Variants in CAPN7 observed in about 807,000 individuals in gnomAD.
CAPN7 encodes the protein calpain 7, also known as calpain-7.
A neutral mutation model predicts 115.2 loss-of-function variants in CAPN7; 72 were observed. The ratio of observed to expected loss-of-function variants is 0.63; its 90% CI spans 0.52 to 0.76. CAPN7 has a LOEUF of 0.76. CAPN7 is among the 30% of genes least tolerant of loss of function. The pLI is 0.00. For missense variants in CAPN7, 905 were observed against 971.5 expected (o/e 0.93, Z 0.91); for synonymous variants, 344 against 322.3 (o/e 1.07, Z -0.72).
chr3:15,243,007 C>T (rs370071018), intron 16 of CAPN7, among the ~76,000 whole-genome samples: 9 of 151,974 alleles, frequency 5.9e-5, no homozygotes, highest in South Asian at 2.1e-4. Flanking sequence ...TACTGATACA[C>T]GTGTAAAAAA....
intron 4 of CAPN7, among the ~76,000 whole-genome samples, chr3:15,219,616 C>CTAT (rs1693843590): frequency 6.6e-6 from 1 of 152,168 alleles, no homozygotes; most frequent in Non-Finnish European, 1.5e-5. Flanking sequence ...GGTGAGATAG[C>CTAT]CATGGGCTCC....
intron 16 of CAPN7, among the ~76,000 whole-genome samples, chr3:15,243,544 C>T (rs747840222): frequency 6.6e-6 from 1 of 152,040 alleles, no homozygotes; most frequent in Non-Finnish European, 1.5e-5. Context: ...CTCTCAGACA[C>T]CTTGAGGTTC....
At chr3:15,217,019 C>G (rs1175955709) in intron 2 of CAPN7, among the ~76,000 whole-genome samples, 1 of 151,056 alleles carries the variant, frequency 6.6e-6, no homozygotes, top group African/African-American at 2.4e-5. Context: ...TGGCAGATTG[C>G]TTGAGCCTGG....
chr3:15,224,876 A>T (rs548747452), intron 6 of CAPN7, among the ~76,000 whole-genome samples: 1 of 152,238 alleles, frequency 6.6e-6, no homozygotes, highest in East Asian at 1.9e-4. Context: ...CAGTTAACAT[A>T]TTTTTTTCAC....
rs1694411070 is a variant in CAPN7 at position 15,227,731 on chromosome 3, A to C, written c.726-108A>C. On this transcript the variant is annotated intron_variant, in intron 6 of 20. Transcript: ENST00000253693. ...GAAGGTTATTTTAAGATAATACAGT[A>C]CTGCTATAATCACTAGACCAAAAAA... 4 of 560,342 alleles carry C rather than the reference A, an allele frequency of 7.1e-6. No individual in the cohort carries two copies. In the South Asian group the frequency reaches 2.0e-4, roughly 28 times the overall value. 34.7% of individuals were successfully genotyped at this position (560,342 alleles called of 1,614,324 possible). A position where few individuals can be genotyped will look rare whatever the true frequency, so the allele number is the denominator to read the frequency against.
At chr3:15,237,622 C>A (rs572765154) in intron 12 of CAPN7, among the ~76,000 whole-genome samples, 1 of 152,192 alleles carries the variant, frequency 6.6e-6, no homozygotes, top group East Asian at 1.9e-4. Context: ...AAATTAAGTA[C>A]GCCAATAAGT....
chr3:15,229,571 T>TTTTTTC (rs1694553226), intron 8 of CAPN7, among the ~76,000 whole-genome samples: 3 of 133,440 alleles, frequency 2.2e-5, no homozygotes, highest in African/African-American at 9.1e-5. Context: ...CTTTTTTTTT[T>TTTTTTC]TTTTTTTTTT....
At chr3:15,243,180 C>T (rs1289084405) in intron 16 of CAPN7, among the ~76,000 whole-genome samples, 1 of 152,084 alleles carries the variant, frequency 6.6e-6, no homozygotes, top group African/African-American at 2.4e-5. Context: ...AAGGACCTTA[C>T]AGTGAGAAAA....
chr3:15,217,784 A>T (rs1038777441), intron 3 of CAPN7, among the ~76,000 whole-genome samples: 1 of 152,242 alleles, frequency 6.6e-6, no homozygotes, highest in African/African-American at 2.4e-5. Flanking sequence ...TTTTGAAAGT[A>T]TTGAGTCTTA....
Position 15,242,218 on chromosome 3 carries a change from T to C in CAPN7, c.1829T>C (p.Val610Ala). The change falls in exon 16 of 21, where the codon GTA (valine) becomes GCA (alanine). Residue 610 changes from valine (V) to alanine (A), a missense_variant. Coordinates refer to ENST00000253693, the MANE Select transcript of CAPN7 (RefSeq NM_014296.3). The stretch of plus-strand genomic sequence containing the variant: ...AATCGAGAATTTATCACAATGGTTG[T>C]ATACAAGACTGATGGGAAAAAAGTT... Reference protein sequence around the residue: ...ANNREFITMVVYKTDGKKVYY... With the variant: ...ANNREFITMVAYKTDGKKVYY... 1 of 1,603,734 alleles carries C rather than the reference T, an allele frequency of 6.2e-7. No individual in the cohort carries two copies. Among genetic ancestry groups the C allele is most frequent in the East Asian group, 2.2e-5 (1 of 44,476 alleles).
At chr3:15,236,040 ATATATC>A (rs1350781988) in intron 12 of CAPN7, among the ~76,000 whole-genome samples, 1 of 152,148 alleles carries the variant, frequency 6.6e-6, no homozygotes, top group Non-Finnish European at 1.5e-5. Flanking sequence ...GCATGGTGCC[ATATATC>A]TATAATTCCA....
chr3:15,217,545 A>AATT lies in CAPN7; in HGVS notation c.333_335dup (p.Leu112dup), dbSNP rs1276918108. The AATT allele has an allele frequency of 6.2e-7, 1 of 1,613,740 alleles. No individual in the cohort carries two copies. Among genetic ancestry groups the AATT allele is most frequent in the Non-Finnish European group, 8.5e-7 (1 of 1,179,850 alleles). On this transcript the variant is annotated inframe_insertion, in exon 3 of 21. Transcript: ENST00000253693. ...AAAGAGAATGTTGAAGATGCTATAG[A>AATT]ATTGTACACAGAAGCTGTGGATCTC...
intron 6 of CAPN7, among the ~76,000 whole-genome samples, 175 bp from the exon 7 acceptor site, chr3:15,227,664 T>A (rs948068960): frequency 6.6e-6 from 1 of 152,088 alleles, no homozygotes; most frequent in Non-Finnish European, 1.5e-5. Context: ...TTGGAGGGGA[T>A]GATCAGGTTG....
At position 15,241,454 on chromosome 3, in the gene CAPN7, A is replaced by G. The variant is rs1209699216; in HGVS notation, c.1654A>G (p.Thr552Ala). 1 of 1,613,458 alleles carries G rather than the reference A, an allele frequency of 6.2e-7. No homozygotes were observed. The highest frequency in any genetic ancestry group is 1.7e-5 in the Admixed American group (1 of 59,910). Residue 552 changes from threonine to alanine, a missense_variant and splice_region_variant, in exon 15 of 21, where the codon ACT becomes GCT. Thr to Ala is a moderately conservative substitution (Grantham distance 58). Coordinates refer to ENST00000253693, the MANE Select transcript of CAPN7 (RefSeq NM_014296.3). ...TTCTTTGTTGACTTTATCTTTTAGT[A>G]CTTGGGATGCTAAGCAAGGACCTGT... is the stretch of plus-strand genomic sequence containing the variant. The part of the protein sequence containing the change: ...LFKESTCIHS[T>A]WDAKQGPVKD...
At chr3:15,250,329 T>G (rs911396405) in intron 19 of CAPN7, among the ~76,000 whole-genome samples, 1 of 151,812 alleles carries the variant, frequency 6.6e-6, no homozygotes, top group African/African-American at 2.4e-5. Flanking sequence ...GAGCCATGAT[T>G]GCTCCACTGT....
At position 15,220,848 on chromosome 3, in the gene CAPN7, A is replaced by G; in HGVS notation, c.505A>G (p.Lys169Glu). Residue 169 changes from lysine to glutamate, a missense_variant, in exon 5 of 21, where the codon AAG (lysine) becomes GAG (glutamate). This residue lies in a region of CAPN7 where 271 missense variants were observed against 239.6 expected (regional missense o/e 1.13). Coordinates refer to ENST00000253693, the MANE Select transcript of CAPN7 (RefSeq NM_014296.3). ...AATCAGTTCAACAAGTGTTAAGCCA[A>G]AGCCACCTCCAGTGAGAGCACATTT... The part of the protein sequence containing the change: ...GKISSTSVKP[K>E]PPPVRAHFPL... 6.2e-7 allele frequency: 1 copy of G among 1,614,208 alleles called. No homozygotes were observed. Among genetic ancestry groups the G allele is most frequent in the Non-Finnish European group, 8.5e-7 (1 of 1,180,042 alleles).
intron 17 of CAPN7, 114 bp from the exon 18 acceptor site, chr3:15,246,618 C>G (rs1176550560): frequency 2.7e-6 from 2 of 733,030 alleles, no homozygotes; most frequent in Non-Finnish European, 4.7e-6. Flanking sequence ...ACTAGGCTGC[C>G]TATAATGACT....
In CAPN7 at chr3:15,235,033, A is replaced by AGGG. The variant is rs1162655805; in HGVS notation, c.1295_1296insGGG (p.Gly433dup). 6.2e-7 allele frequency: 1 copy of AGGG among 1,606,284 alleles called. No individual in the cohort carries two copies. Among genetic ancestry groups the AGGG allele is most frequent in the Non-Finnish European group, 8.5e-7 (1 of 1,177,828 alleles). ...TTTGGGGTTCATTCCAGATTTCACA[A>AGGG]AGGAGATGTCCTCATCACTGCGTCA... On this transcript the variant is annotated inframe_insertion, in exon 12 of 21. Coordinates refer to ENST00000253693, the MANE Select transcript of CAPN7 (RefSeq NM_014296.3).
At chr3:15,243,356 G>C (rs1695465537) in intron 16 of CAPN7, among the ~76,000 whole-genome samples, 1 of 152,174 alleles carries the variant, frequency 6.6e-6, no homozygotes, top group African/African-American at 2.4e-5. Flanking sequence ...ACATGTCCTG[G>C]CTCCAAATGA....
Sources: gnomAD v4.1 joint callset for allele counts (sites outside exome capture counted in the v4.1 genomes callset) on GRCh38, gnomAD v4.1.1 for gene constraint, gnomAD v4.1.1 regional missense constraint, MANE v1.5 for transcripts, NCBI Gene and HGNC (gene_info 2026-07-23, HGNC 2026-07-21) for gene names.